Variants in PUDP observed in about 807,000 individuals in gnomAD.
PUDP encodes pseudouridine-5'-phosphatase.
A neutral mutation model predicts 9.4 loss-of-function variants in PUDP; 8 were observed. The ratio of observed to expected loss-of-function variants is 0.85; its 90% CI spans 0.50 to 1.53. PUDP has a LOEUF of 1.53. Ranked by LOEUF, PUDP falls within the 40% of genes most tolerant of loss-of-function variation. The pLI is 0.00. For synonymous variants in PUDP, 99 were observed against 80.7 expected (o/e 1.23, Z -1.22); for missense variants, 188 against 189.7 (o/e 0.99, Z 0.05).
intron 3 of PUDP, among the ~76,000 whole-genome samples, chrX:6,783,328 T>C (rs183896648): frequency 1.7e-4 from 19 of 111,884 alleles, no homozygotes; most frequent in African/African-American, 4.5e-4. Flanking sequence ...TACCGGTGGA[T>C]GCGTTCCTCC....
At chrX:6,802,901 C>A (rs183447976) in intron 3 of PUDP, among the ~76,000 whole-genome samples, 842 of 4,626 alleles carry the variant, frequency 0.18, 229 homozygotes, top group East Asian at 0.41. Flanking sequence ...AATAACATAA[C>A]ATAACATAAC....
At chrX:6,928,992 C>A (rs903534215) in intron 3 of PUDP, among the ~76,000 whole-genome samples, 1 of 111,883 alleles carries the variant, frequency 8.9e-6, no homozygotes, top group African/African-American at 3.3e-5. Context: ...CCTCAGTTTG[C>A]AAAGCATGGT....
intron 3 of PUDP, among the ~76,000 whole-genome samples, chrX:6,826,969 C>T (rs895383116): frequency 1.5e-4 from 17 of 111,828 alleles, no homozygotes; most frequent in African/African-American, 5.5e-4. Context: ...AGACAGAGGC[C>T]AGCACACTGT....
At position 6,880,309 on chromosome X, in the gene PUDP, C is replaced by A. The variant is rs753534285; in HGVS notation, c.*247+96824G>T. Among the ~76,000 whole-genome samples, 11 of 110,713 alleles carry A rather than the reference C, an allele frequency of 9.9e-5. 1 individual carries two copies. The highest frequency in any genetic ancestry group is 1.9e-4 in the Non-Finnish European group (10 of 52,921). ...CCATTGTATCATTCTTGTGACTTTG[C>A]GTCCTCATAGCTTAGCTCCCACTTA... is the stretch of plus-strand genomic sequence containing the variant. On this transcript the variant is annotated intron_variant and NMD_transcript_variant, in intron 3 of 3. Transcript: ENST00000655425.
At chrX:6,899,036 C>G (rs1489760235) in intron 3 of PUDP, among the ~76,000 whole-genome samples, 1 of 112,183 alleles carries the variant, frequency 8.9e-6, no homozygotes, top group East Asian at 2.8e-4. Context: ...TCCACTTGTT[C>G]TGTGTAGCCT....
At chrX:7,119,535 G>C (rs951823473) in intron 1 of PUDP, among the ~76,000 whole-genome samples, 2 of 112,456 alleles carry the variant, frequency 1.8e-5, no homozygotes, top group African/African-American at 3.2e-5. Flanking sequence ...TTAAGTATTT[G>C]ATATATCGCT....
intron 1 of PUDP, among the ~76,000 whole-genome samples, chrX:7,007,258 T>A (rs1392416096): frequency 6.3e-5 from 7 of 111,876 alleles, no homozygotes; most frequent in African/African-American, 2.3e-4. Context: ...GAGTCTGGTG[T>A]CTCATTGTCT....
intron 3 of PUDP, among the ~76,000 whole-genome samples, chrX:6,757,310 C>T (rs758340868): frequency 3.2e-4 from 35 of 110,292 alleles, no homozygotes; most frequent in African/African-American, 9.9e-4. Flanking sequence ...AAGAAATTTA[C>T]GAGGCAGAGG....
upstream of PUDP, among the ~76,000 whole-genome samples, chrX:6,724,154 G>A (rs1046666632): frequency 1.8e-4 from 20 of 111,205 alleles, no homozygotes; most frequent in East Asian, 2.8e-4. Context: ...GCAACCTCAC[G>A]TATAATGTAA....
intron 3 of PUDP, among the ~76,000 whole-genome samples, chrX:6,918,458 C>CAA (rs33975027): frequency 3.0e-4 from 31 of 103,578 alleles, no homozygotes; most frequent in Admixed American, 1.9e-3. Flanking sequence ...CTTTGAAATA[C>CAA]AAAAAAAAAA....
At chrX:7,031,577 G>T (rs1797328649) in intron 1 of PUDP, among the ~76,000 whole-genome samples, 1 of 112,103 alleles carries the variant, frequency 8.9e-6, no homozygotes, top group African/African-American at 3.2e-5. Flanking sequence ...TTTTAACAAA[G>T]ATTGGCCTTT....
At chrX:6,744,418 T>A (rs1284100695) in intron 3 of PUDP, among the ~76,000 whole-genome samples, 2 of 111,627 alleles carry the variant, frequency 1.8e-5, no homozygotes, top group Non-Finnish European at 3.8e-5. Flanking sequence ...ATAGAAGAAG[T>A]GTTACGGCTA....
At chrX:6,723,271 TAA>T (rs72151981), upstream of PUDP, among the ~76,000 whole-genome samples, 18,489 of 92,690 alleles carry the variant, frequency 0.2, 2,889 homozygotes, top group African/African-American at 0.51. Context: ...CAAAAAACAA[TAA>T]AAAAAAAAAA....
At chrX:6,766,755 C>G (rs1017764183) in intron 3 of PUDP, among the ~76,000 whole-genome samples, 14 of 111,659 alleles carry the variant, frequency 1.3e-4, no homozygotes, top group African/African-American at 4.6e-4. Flanking sequence ...TTTTCTCCTG[C>G]CCTCCCCTCC....
chrX:6,795,105 G>C, intron 3 of PUDP, among the ~76,000 whole-genome samples: 1 of 109,221 alleles, frequency 9.2e-6, no homozygotes, highest in Non-Finnish European at 1.9e-5. Flanking sequence ...ACTTTGTCTA[G>C]GCCTACAAAG....
intron 3 of PUDP, among the ~76,000 whole-genome samples, chrX:6,878,479 T>A (rs200113834): frequency 9.1e-6 from 1 of 110,324 alleles, no homozygotes; most frequent in East Asian, 2.9e-4. Context: ...CCTCAGCCTC[T>A]TGAGTAGCTG....
At chrX:6,733,085 G>A (rs1924829731) in intron 3 of PUDP, among the ~76,000 whole-genome samples, 1 of 112,559 alleles carries the variant, frequency 8.9e-6, no homozygotes, top group African/African-American at 3.2e-5. Flanking sequence ...CTGGGCCTGT[G>A]CTGACTCCAG....
In PUDP at chrX:6,871,960, C is replaced by T. The variant is rs755319919; in HGVS notation, c.*247+105173G>A. On this transcript the variant is annotated intron_variant and NMD_transcript_variant, in intron 3 of 3. Coordinates refer to the PUDP transcript ENST00000655425. ...TCCAAAATTAAGGCACCAGCAGATT[C>T]AGCAGCTGGTGAGGACCTGCTTCCT... Among the ~76,000 whole-genome samples the T allele has an allele frequency of 7.9e-4, 88 of 111,885 alleles. 1 individual carries two copies. Among genetic ancestry groups the T allele is most frequent in the Middle Eastern group, 4.6e-3 (1 of 219 alleles).
chrX:6,876,717 C>G (rs1211008244), intron 3 of PUDP, among the ~76,000 whole-genome samples: 1 of 105,494 alleles, frequency 9.5e-6, no homozygotes, highest in African/African-American at 3.4e-5. Flanking sequence ...ACATATATGT[C>G]TATACATGTA....
Sources: gnomAD v4.1 joint callset for allele counts (sites outside exome capture counted in the v4.1 genomes callset) on GRCh38, gnomAD v4.1.1 for gene constraint, MANE v1.5 for transcripts, NCBI Gene and HGNC (gene_info 2026-07-23, HGNC 2026-07-21) for gene names.